Variants in PTPRG observed in about 807,000 individuals in gnomAD.
The protein encoded by PTPRG is protein tyrosine phosphatase receptor type G, also known as receptor-type tyrosine-protein phosphatase gamma.
A neutral mutation model predicts 165.3 loss-of-function variants in PTPRG; 102 were observed. That is an observed-to-expected ratio of 0.62 (90% CI 0.53 to 0.73). The LOEUF is 0.73. Ranked by LOEUF, PTPRG falls within the 30% of genes least tolerant of loss-of-function variation. The pLI is 0.00. For synonymous variants in PTPRG, 675 were observed against 669.5 expected, an observed-to-expected ratio of 1.01 and a Z score of -0.13; for missense variants, 1,866 against 1,861.4, an observed-to-expected ratio of 1.00 and a Z score of -0.05.
chr3:61,988,779 A>G (rs866826017), intron 2 of PTPRG, among the ~76,000 whole-genome samples: 3 of 152,230 alleles, frequency 2.0e-5, no homozygotes, highest in Admixed American at 6.5e-5. Flanking sequence ...TAGGATGCAG[A>G]AAAGTCTAAG....
chr3:62,069,707 C>T (rs1049323074), intron 4 of PTPRG, among the ~76,000 whole-genome samples: 6 of 151,900 alleles, frequency 3.9e-5, no homozygotes, highest in Middle Eastern at 3.4e-3. Flanking sequence ...CACGCACACA[C>T]ACACACACAT....
At chr3:62,097,798 A>G (rs920888193) in intron 5 of PTPRG, among the ~76,000 whole-genome samples, 2 of 152,208 alleles carry the variant, frequency 1.3e-5, no homozygotes, top group South Asian at 4.1e-4. Context: ...GGAATATTTT[A>G]GTGGGGCAAC....
intron 2 of PTPRG, among the ~76,000 whole-genome samples, chr3:61,918,224 G>T (rs1272044958): frequency 6.6e-6 from 1 of 152,146 alleles, no homozygotes; most frequent in Non-Finnish European, 1.5e-5. Context: ...TGGAAATTTT[G>T]ATGTCAATGT....
At chr3:62,023,978 T>C (rs1163635560) in intron 4 of PTPRG, among the ~76,000 whole-genome samples, 1 of 152,152 alleles carries the variant, frequency 6.6e-6, no homozygotes, top group Non-Finnish European at 1.5e-5. Context: ...AATTGTTTTC[T>C]TAGACAAGAA....
chr3:62,001,937 G>A (rs1028024176), intron 3 of PTPRG, among the ~76,000 whole-genome samples: 1 of 152,140 alleles, frequency 6.6e-6, no homozygotes, highest in Non-Finnish European at 1.5e-5. Flanking sequence ...AAAAGTTTAC[G>A]ACCCCTGTTC....
chr3:62,026,480 G>T (rs2041806441), intron 4 of PTPRG, among the ~76,000 whole-genome samples: 1 of 152,182 alleles, frequency 6.6e-6, no homozygotes, highest in African/African-American at 2.4e-5. Flanking sequence ...TAGAGCATGA[G>T]ATTTGAACCC....
At chr3:62,042,387 T>G (rs551147377) in intron 4 of PTPRG, among the ~76,000 whole-genome samples, 10 of 152,332 alleles carry the variant, frequency 6.6e-5, no homozygotes, top group African/African-American at 2.2e-4. Flanking sequence ...CAGATATTTC[T>G]ACAGCGTGTC....
At chr3:62,026,622 C>CA (rs896685961) in intron 4 of PTPRG, among the ~76,000 whole-genome samples, 8 of 152,110 alleles carry the variant, frequency 5.3e-5, no homozygotes, top group Non-Finnish European at 7.4e-5. Context: ...CACGGTGGCT[C>CA]ACGCCTGTAA....
intron 1 of PTPRG, among the ~76,000 whole-genome samples, chr3:61,678,592 C>G (rs997697826): frequency 6.6e-6 from 1 of 152,082 alleles, no homozygotes; most frequent in Non-Finnish European, 1.5e-5. Context: ...ACAAGATGGC[C>G]TCATCCCTGG....
In PTPRG at chr3:61,866,582, C is replaced by CTTTTTTTTTTTTTTTTTTTTTT. The variant is rs532356516; in HGVS notation, c.190+117615_190+117636dup. 5.8e-5 allele frequency among the ~76,000 whole-genome samples: 4 copies of CTTTTTTTTTTTTTTTTTTTTTT among 69,108 alleles called. 1 individual carries two copies. The highest frequency in any genetic ancestry group is 1.7e-4 in the African/African-American group (4 of 23,462). The allele number at this position is 69,108 out of a possible 152,430, so 45.3% of individuals were successfully genotyped here. A position where few individuals can be genotyped will look rare whatever the true frequency, so the allele number is the denominator to read the frequency against. On this transcript the variant is annotated intron_variant, in intron 2 of 29. Coordinates refer to ENST00000474889, the MANE Select transcript of PTPRG (RefSeq NM_002841.4). ...TTCCCTGGCTTTGGAACTGTTTGCT[C>CTTTTTTTTTTTTTTTTTTTTTT]TTTTTTTTTTTTTTTTTTTTTTTTT... is the stretch of plus-strand genomic sequence containing the variant.
At chr3:61,716,315 A>C (rs2031806130) in intron 1 of PTPRG, among the ~76,000 whole-genome samples, 1 of 152,162 alleles carries the variant, frequency 6.6e-6, no homozygotes, top group South Asian at 2.1e-4. Flanking sequence ...TAATATCTTA[A>C]GACAGTGAAT....
At chr3:62,000,426 C>T (rs2041145654) in intron 3 of PTPRG, among the ~76,000 whole-genome samples, 1 of 152,098 alleles carries the variant, frequency 6.6e-6, no homozygotes, top group Non-Finnish European at 1.5e-5. Context: ...CGGTGCAGAC[C>T]TAGGCAACAG....
At chr3:61,609,805 C>T (rs888518711) in intron 1 of PTPRG, among the ~76,000 whole-genome samples, 1 of 151,968 alleles carries the variant, frequency 6.6e-6, no homozygotes, top group African/African-American at 2.4e-5. Context: ...GTTGCGGTGA[C>T]TGCACTCTAG....
At chr3:61,971,484 A>G (rs1044879172) in intron 2 of PTPRG, among the ~76,000 whole-genome samples, 2 of 152,228 alleles carry the variant, frequency 1.3e-5, no homozygotes, top group African/African-American at 4.8e-5. Flanking sequence ...CCGGAATCAA[A>G]TTCTACTTAT....
intron 2 of PTPRG, among the ~76,000 whole-genome samples, chr3:61,801,825 C>T (rs2035254397): frequency 6.6e-6 from 1 of 152,152 alleles, no homozygotes; most frequent in Non-Finnish European, 1.5e-5. Flanking sequence ...TGAGACCCGC[C>T]TGGCCAACAT....
intron 2 of PTPRG, among the ~76,000 whole-genome samples, chr3:61,857,570 T>A (rs370828086): frequency 6.6e-6 from 1 of 152,184 alleles, no homozygotes; most frequent in Admixed American, 6.6e-5. Flanking sequence ...AATTATTTTA[T>A]TTCAAGGGTT....
chr3:61,937,711 G>A (rs573226259), intron 2 of PTPRG, among the ~76,000 whole-genome samples: 3 of 152,168 alleles, frequency 2.0e-5, no homozygotes, highest in Non-Finnish European at 4.4e-5. Context: ...AGTGATCACA[G>A]TTTCAGATTT....
chr3:61,827,109 T>C (rs1352764881), intron 2 of PTPRG, among the ~76,000 whole-genome samples: 1 of 152,218 alleles, frequency 6.6e-6, no homozygotes, highest in African/African-American at 2.4e-5. Flanking sequence ...TGCTGTGTTC[T>C]TCTATCCTCT....
chr3:61,846,464 AC>A (rs1302708317), intron 2 of PTPRG, among the ~76,000 whole-genome samples: 1 of 151,970 alleles, frequency 6.6e-6, no homozygotes, highest in Non-Finnish European at 1.5e-5. Flanking sequence ...TCCCTTCCTG[AC>A]TCTGAGGCTC....
Sources: allele counts gnomAD v4.1 joint callset (sites outside exome capture counted in the v4.1 genomes callset), GRCh38; gene constraint gnomAD v4.1.1; transcripts MANE v1.5; gene names NCBI Gene and HGNC (gene_info 2026-07-23, HGNC 2026-07-21).